DERL2: variants seen among roughly 807,000 people sequenced by gnomAD.
The protein encoded by DERL2 is derlin-2.
DERL2 carries 13 observed loss-of-function variants against 32.0 expected under a neutral mutation model. The observed-to-expected ratio is 0.41, with a 90% CI of 0.26 to 0.65. The LOEUF (loss-of-function observed/expected upper bound fraction) is 0.65. Ranked by LOEUF, DERL2 falls within the 30% of genes least tolerant of loss-of-function variation. DERL2 has a pLI of 0.35. For missense variants in DERL2, 208 were observed against 296.3 expected, an observed-to-expected ratio of 0.70 and a Z score of 2.19; for synonymous variants, 111 against 104.7, an observed-to-expected ratio of 1.06 and a Z score of -0.37.
Position 5,481,759 on chromosome 17 carries a change from C to T in DERL2, c.234-370G>A, listed in dbSNP as rs1905800556. ...CCGCCTCTCAGATTCAAGCGATTCTCCTGCCTCATTCTCCTGAGTAGCTGG... is the reference window on the plus strand; with the variant it reads ...CCGCCTCTCAGATTCAAGCGATTCTTCTGCCTCATTCTCCTGAGTAGCTGG... On this transcript the variant is annotated intron_variant, in intron 3 of 6. Transcript: ENST00000158771. The surrounding 1 kb of genome is among the most constrained non-coding windows in gnomAD (Gnocchi z 4.4). Among the ~76,000 whole-genome samples, 1 of 152,048 alleles carries T rather than the reference C, an allele frequency of 6.6e-6. No homozygotes were observed. Among genetic ancestry groups the T allele is most frequent in the African/African-American group, 2.4e-5 (1 of 41,394 alleles).
intron 6 of DERL2, among the ~76,000 whole-genome samples, chr17:5,476,517 C>G (rs576341012): frequency 6.6e-6 from 1 of 152,286 alleles, no homozygotes; most frequent in Non-Finnish European, 1.5e-5. Context: ...TGTGGTGGCT[C>G]ATGCCTGTAA....
chr17:5,483,551 C>T (rs1905943037), intron 2 of DERL2, among the ~76,000 whole-genome samples: 1 of 152,138 alleles, frequency 6.6e-6, no homozygotes, highest in South Asian at 2.1e-4. Context: ...ACAGTAACCA[C>T]TCTCAATTGT....
rs187677719 is a variant in DERL2, at chr17:5,481,883, C to G, written c.234-494G>C. Reference sequence around the variant, plus strand: ...CAGGCTGGTCTCAAACTCCTGACCTCGTGATCCACTGCCTTGGCCTCCCCA... The same window carrying G: ...CAGGCTGGTCTCAAACTCCTGACCTGGTGATCCACTGCCTTGGCCTCCCCA... On this transcript the variant is annotated intron_variant, in intron 3 of 6. Coordinates refer to ENST00000158771, the MANE Select transcript of DERL2 (RefSeq NM_016041.5). This position sits in a 1 kb window ranked among gnomAD's most constrained non-coding sequence, Gnocchi z 4.4. 2.6e-5 allele frequency among the ~76,000 whole-genome samples: 4 copies of G among 152,250 alleles called. No individual in the cohort carries two copies. The highest frequency in any genetic ancestry group is 9.6e-5 in the African/African-American group (4 of 41,542).
At chr17:5,480,264 G>T in intron 5 of DERL2, 120 bp from the exon 6 acceptor site, 1 of 1,223,518 alleles carries the variant, frequency 8.2e-7, no homozygotes, top group Non-Finnish European at 1.2e-6. Flanking sequence ...AAAAATTAAT[G>T]AACTAATATT....
chr17:5,486,267 T>G, upstream of DERL2: 1 of 886,624 alleles, frequency 1.1e-6, no homozygotes, highest in East Asian at 3.1e-5. Context: ...ACTTTAGTTT[T>G]CCCGCGACTG....
rs1345464966 is a variant in DERL2, at chr17:5,483,418, G to A, written c.160-536C>T. Among the ~76,000 whole-genome samples the A allele has an allele frequency of 5.3e-5, 8 of 151,616 alleles. No individual in the cohort carries two copies. In the East Asian group the frequency reaches 1.6e-3, roughly 29 times the overall value. ...CTGACTCAAACTCCTGGCCTCAGGG[G>A]ATCATCCACCTCAGCCTCCCAAAGT... On this transcript the variant is annotated intron_variant, in intron 2 of 6. Transcript: ENST00000158771.
chr17:5,485,079 C>G, intron 2 of DERL2, 72 bp downstream of exon 2: 1 of 1,130,462 alleles, frequency 8.8e-7, no homozygotes, highest in Non-Finnish European at 1.3e-6. Flanking sequence ...TAGTGTATAA[C>G]AGGATTTGCT....
At chr17:5,482,608 T>C (rs1905864338) in intron 3 of DERL2, 3 of 444,958 alleles carry the variant, frequency 6.7e-6, no homozygotes, top group Non-Finnish European at 1.2e-5. Flanking sequence ...TATCTTTTTA[T>C]GGTTAAAACC....
intron 2 of DERL2, among the ~76,000 whole-genome samples, chr17:5,484,379 T>C (rs915430423): frequency 3.3e-5 from 5 of 152,362 alleles, no homozygotes; most frequent in African/African-American, 1.2e-4. Flanking sequence ...CGCCAGTAGC[T>C]AGGATTACAG....
intron 6 of DERL2, among the ~76,000 whole-genome samples, chr17:5,478,547 C>G (rs3865350): frequency 6.6e-6 from 1 of 152,162 alleles, no homozygotes; most frequent in African/African-American, 2.4e-5. Context: ...AAATGTAAAC[C>G]TGAACATCCA....
intron 1 of DERL2, 26 bp downstream of exon 1, chr17:5,486,043 G>A (rs1597376521): frequency 6.3e-7 from 1 of 1,598,884 alleles, no homozygotes; most frequent in Non-Finnish European, 8.5e-7. Flanking sequence ...CCCAGATAAT[G>A]AGAAGGTGGC....
In DERL2 at chr17:5,486,074, C is replaced by A. The variant is rs1250210233; in HGVS notation, c.88G>T (p.Ala30Ser). Residue 30 changes from alanine to serine, a missense_variant, in exon 1 of 7, where the codon GCC becomes TCC. By Grantham distance (99) the Ala-to-Ser change is moderately conservative. This residue lies in a region of DERL2 where 44 missense variants were observed against 42.3 expected (regional missense o/e 1.04). Coordinates refer to ENST00000158771, the MANE Select transcript of DERL2 (RefSeq NM_016041.5). ...GTGGCACTGCAGCTGCTCACCACGGCGGCGGTGGTGAGGACGCAGGCAGTG... is the reference window on the plus strand; with the variant it reads ...GTGGCACTGCAGCTGCTCACCACGGAGGCGGTGGTGAGGACGCAGGCAGTG... The part of the protein sequence containing the change: ...YTTACVLTTA[A>S]VQLELITPFQ... The A allele has an allele frequency of 6.2e-7, 1 of 1,610,632 alleles. No homozygotes were observed. The highest frequency in any genetic ancestry group is 1.1e-5 in the South Asian group (1 of 90,884).
At chr17:5,477,669 T>A (rs1905480556) in intron 6 of DERL2, among the ~76,000 whole-genome samples, 1 of 152,204 alleles carries the variant, frequency 6.6e-6, no homozygotes, top group South Asian at 2.1e-4. Context: ...CTCCAATTTT[T>A]TTCTGATTTC....
Position 5,474,826 on chromosome 17 carries a change from G to T in DERL2, c.615-37C>A, listed in dbSNP as rs963392902. On this transcript the variant is annotated intron_variant, in intron 6 of 6. Transcript: ENST00000158771. The surrounding 1 kb of genome is among the most constrained non-coding windows in gnomAD (Gnocchi z 4.3). ...GCAACAGATATAATTTGGTCCCAGA[G>T]TCATCTCAGGTCCAAAGTACTACAA... is the stretch of plus-strand genomic sequence containing the variant. 3.2e-6 allele frequency: 5 copies of T among 1,538,724 alleles called. No homozygotes were observed. In the African/African-American group the frequency reaches 5.5e-5, roughly 17 times the overall value.
chr17:5,477,586 T>G (rs1340730525), intron 6 of DERL2, among the ~76,000 whole-genome samples: 2 of 152,174 alleles, frequency 1.3e-5, no homozygotes, highest in Admixed American at 6.5e-5. Context: ...GAAAGCTAGA[T>G]GTAGGGATAG....
chr17:5,480,565 C>A lies in DERL2; in HGVS notation c.345G>T (p.Val115=). The change falls in exon 5 of 7, where the codon GTG becomes GTT. Residue 115 remains valine (V), a synonymous_variant. Transcript: ENST00000158771. Reference sequence around the variant, plus strand: ...AGGCCTGGCCCAAGAAAACTAAGCTCACAAACAGACCAAAAAGCTAGCAGA... The same window carrying A: ...AGGCCTGGCCCAAGAAAACTAAGCTAACAAACAGACCAAAAAGCTAGCAGA... The part of the protein sequence containing the change: ...GFLMTLFGLF[V]SLVFLGQAFT... The A allele has an allele frequency of 6.6e-7, 1 of 1,518,294 alleles. No individual in the cohort carries two copies. Among genetic ancestry groups the A allele is most frequent in the South Asian group, 1.3e-5 (1 of 76,500 alleles). 94.1% of individuals were successfully genotyped at this position (1,518,294 alleles called of 1,614,324 possible). A position where few individuals can be genotyped will look rare whatever the true frequency, so the allele number is the denominator to read the frequency against.
chr17:5,480,768 G>T, intron 4 of DERL2, 186 bp from the exon 5 acceptor site: 1 of 491,202 alleles, frequency 2.0e-6, no homozygotes, highest in Non-Finnish European at 3.5e-6. Flanking sequence ...ATCTGCTTAG[G>T]CTAAATTATC....
upstream of DERL2, chr17:5,486,355 CG>C: frequency 7.0e-6 from 3 of 427,748 alleles, no homozygotes; most frequent in Non-Finnish European, 1.2e-5. Flanking sequence ...GCGTCGCCAC[CG>C]CCCCCCCCCA....
At chr17:5,480,903 A>G (rs1905733533) in intron 4 of DERL2, 1 of 482,024 alleles carries the variant, frequency 2.1e-6, no homozygotes, top group Non-Finnish European at 3.6e-6. Context: ...CTTTACAGAG[A>G]TGAATAAAGC....
Sources: gnomAD v4.1 joint callset for allele counts (sites outside exome capture counted in the v4.1 genomes callset) on GRCh38, gnomAD v4.1.1 for gene constraint, gnomAD v4.1.1 regional missense constraint, Gnocchi (gnomAD v3.1) non-coding constraint, MANE v1.5 for transcripts, NCBI Gene and HGNC (gene_info 2026-07-23, HGNC 2026-07-21) for gene names.